Variants in VMP1 observed in about 807,000 individuals in gnomAD.
The protein encoded by VMP1 is ectopic P-granules autophagy protein 3 homolog.
A neutral mutation model predicts 56.0 loss-of-function variants in VMP1; 11 were observed. The observed-to-expected ratio is 0.20, with a 90% CI of 0.12 to 0.32. The LOEUF is 0.32. VMP1 is among the 10% of genes least tolerant of loss of function. The pLI, the probability that VMP1 is intolerant of heterozygous loss-of-function variation, is 1.00. For missense variants in VMP1, 296 were observed against 490.3 expected, an observed-to-expected ratio of 0.60 and a Z score of 3.74; for synonymous variants, 149 against 165.0, an observed-to-expected ratio of 0.90 and a Z score of 0.74.
At chr17:59,721,044 G>C (rs2034374544) in intron 1 of VMP1, among the ~76,000 whole-genome samples, 1 of 145,420 alleles carries the variant, frequency 6.9e-6, no homozygotes, top group South Asian at 2.2e-4. Context: ...ACAAAAACAT[G>C]ATATAAAAAT....
chr17:59,834,324 A>G (rs1444699991), intron 10 of VMP1, among the ~76,000 whole-genome samples: 1 of 151,462 alleles, frequency 6.6e-6, no homozygotes, highest in Non-Finnish European at 1.5e-5. Flanking sequence ...GTGCAATGGC[A>G]TGATCTCAGC....
intron 5 of VMP1, among the ~76,000 whole-genome samples, chr17:59,764,603 C>A (rs1397905155): frequency 1.3e-5 from 2 of 152,190 alleles, no homozygotes; most frequent in Non-Finnish European, 2.9e-5. Context: ...GGAATACAGG[C>A]ATGAGCTGCT....
At chr17:59,786,583 C>G (rs1453273807) in intron 7 of VMP1, among the ~76,000 whole-genome samples, 1 of 152,136 alleles carries the variant, frequency 6.6e-6, no homozygotes, top group Non-Finnish European at 1.5e-5. Context: ...CTCTGATGAA[C>G]CTTTACTGGT....
chr17:59,787,081 T>G (rs1436447679), intron 7 of VMP1, among the ~76,000 whole-genome samples: 1 of 152,172 alleles, frequency 6.6e-6, no homozygotes, highest in East Asian at 1.9e-4. Context: ...TTTTAAGTGG[T>G]CTTGATGGAT....
chr17:59,841,658 T>C lies in VMP1; in HGVS notation c.*1747T>C, dbSNP rs1463431683. Reference sequence around the variant, plus strand: ...TTTGAAAAGCATTCCCAAAATGCTCTATTTTAGATAGATTAACATTAACCA... The same window carrying C: ...TTTGAAAAGCATTCCCAAAATGCTCCATTTTAGATAGATTAACATTAACCA... On this transcript the variant is annotated 3_prime_UTR_variant, in exon 12 of 12. Coordinates refer to ENST00000262291, the MANE Select transcript of VMP1 (RefSeq NM_030938.5). 1 of 156,326 alleles carries C rather than the reference T, an allele frequency of 6.4e-6. No homozygotes were observed. Among genetic ancestry groups the C allele is most frequent in the Non-Finnish European group, 1.4e-5 (1 of 70,142 alleles). The allele number at this position is 156,326 out of a possible 1,614,324, so 9.7% of individuals were successfully genotyped here. A position where few individuals can be genotyped will look rare whatever the true frequency, so the allele number is the denominator to read the frequency against.
intron 5 of VMP1, among the ~76,000 whole-genome samples, chr17:59,756,964 G>C (rs570316172): frequency 1.3e-5 from 2 of 152,180 alleles, no homozygotes; most frequent in South Asian, 4.1e-4. Context: ...TACAATTATA[G>C]TAAATCATGA....
chr17:59,793,420 T>C (rs2037310810), intron 7 of VMP1, among the ~76,000 whole-genome samples: 1 of 116,618 alleles, frequency 8.6e-6, no homozygotes, highest in Non-Finnish European at 2.1e-5. Flanking sequence ...AATATATCCG[T>C]TTACTTATTT....
chr17:59,743,985 G>A (rs1311108365), intron 5 of VMP1, among the ~76,000 whole-genome samples: 1 of 152,046 alleles, frequency 6.6e-6, no homozygotes. Flanking sequence ...TTAATGGGAA[G>A]GCCTCTAGTT....
chr17:59,747,390 T>G, intron 5 of VMP1, among the ~76,000 whole-genome samples: 1 of 150,302 alleles, frequency 6.7e-6, no homozygotes, highest in Non-Finnish European at 1.5e-5. Flanking sequence ...AGACCCCGGG[T>G]TTTTTTCTTT....
At chr17:59,759,964 A>C (rs1598351834) in intron 5 of VMP1, among the ~76,000 whole-genome samples, 2 of 144,052 alleles carry the variant, frequency 1.4e-5, no homozygotes, top group South Asian at 4.3e-4. Context: ...CTTCTTTTAA[A>C]ATTTTTAGTG....
At chr17:59,724,058 A>C (rs2034496805) in intron 1 of VMP1, among the ~76,000 whole-genome samples, 1 of 151,988 alleles carries the variant, frequency 6.6e-6, no homozygotes, top group Non-Finnish European at 1.5e-5. Flanking sequence ...CTAAAAATAC[A>C]AAAATTAGCT....
chr17:59,741,496 T>C (rs2035224023), intron 5 of VMP1, among the ~76,000 whole-genome samples: 1 of 152,120 alleles, frequency 6.6e-6, no homozygotes, highest in Non-Finnish European at 1.5e-5. Flanking sequence ...GCATTTGGGA[T>C]GAAAAAGGAC....
At chr17:59,776,120 G>A (rs1290252125) in intron 7 of VMP1, among the ~76,000 whole-genome samples, 1 of 152,064 alleles carries the variant, frequency 6.6e-6, no homozygotes. Context: ...GCTAAAACAG[G>A]AGCATTGCTT....
At chr17:59,734,336 A>G (rs972065891) in intron 2 of VMP1, among the ~76,000 whole-genome samples, 1 of 152,220 alleles carries the variant, frequency 6.6e-6, no homozygotes, top group African/African-American at 2.4e-5. Context: ...ATGGGGTAAC[A>G]TATACAACGC....
chr17:59,824,258 A>AAG (rs2038557537), intron 10 of VMP1, among the ~76,000 whole-genome samples: 1 of 151,664 alleles, frequency 6.6e-6, no homozygotes, highest in African/African-American at 2.4e-5. Flanking sequence ...CTCCAAAAAA[A>AAG]AAAAAAAGGG....
chr17:59,798,097 T>C (rs1451735662), intron 7 of VMP1, among the ~76,000 whole-genome samples: 1 of 152,142 alleles, frequency 6.6e-6, no homozygotes, highest in Non-Finnish European at 1.5e-5. Flanking sequence ...AGAGGTATAT[T>C]TTAGATTTGT....
At chr17:59,805,559 G>A (rs1359831069) in intron 7 of VMP1, among the ~76,000 whole-genome samples, 2 of 151,094 alleles carry the variant, frequency 1.3e-5, no homozygotes, top group African/African-American at 2.4e-5. Flanking sequence ...AATGCCATCA[G>A]TTTGAAATGA....
chr17:59,739,054 G>C (rs1227875619), intron 5 of VMP1, 107 bp downstream of exon 5: 1 of 848,868 alleles, frequency 1.2e-6, no homozygotes, highest in Non-Finnish European at 1.7e-6. Flanking sequence ...TTACCTTTGT[G>C]TTTTGTAAGC....
At chr17:59,839,667 G>A in intron 11 of VMP1, 101 bp from the exon 12 acceptor site, 1 of 1,413,432 alleles carries the variant, frequency 7.1e-7, no homozygotes. Flanking sequence ...AATTCTTTAG[G>A]TTTTGTAAGT....
Sources: allele counts gnomAD v4.1 joint callset (sites outside exome capture counted in the v4.1 genomes callset), GRCh38; gene constraint gnomAD v4.1.1; transcripts MANE v1.5; gene names NCBI Gene and HGNC (gene_info 2026-07-23, HGNC 2026-07-21).